The following CEP350 variants were observed in gnomAD, a reference collection of about 807,000 sequenced individuals.
The protein encoded by CEP350 is centrosome-associated protein 350.
Under a neutral mutation model 331.8 loss-of-function variants are expected in CEP350, and 126 were observed. That is an observed-to-expected ratio of 0.38 (90% CI 0.33 to 0.44). The LOEUF (loss-of-function observed/expected upper bound fraction) is 0.44. Among genes scored for constraint, CEP350 ranks in the 20% least tolerant of loss-of-function variants. The pLI is 1.00. For synonymous variants in CEP350, 1,200 were observed against 1,259.5 expected, an observed-to-expected ratio of 0.95 and a Z score of 1.00; for missense variants, 3,406 against 3,634.6, an observed-to-expected ratio of 0.94 and a Z score of 1.62.
chr1:180,036,889 G>A (rs773911558), intron 16 of CEP350, 37 bp from the exon 17 acceptor site: 55 of 1,463,082 alleles, frequency 3.8e-5, no homozygotes, highest in Non-Finnish European at 1.6e-5. Context: ...GTAATTTCAT[G>A]TTAACTTTTC....
At chr1:180,014,629 T>G (rs1406481309) in intron 10 of CEP350, 124 bp downstream of exon 10, 14 of 872,112 alleles carry the variant, frequency 1.6e-5, no homozygotes, top group Non-Finnish European at 1.9e-5. Context: ...AATCATGGCC[T>G]TCATGAAATA....
Position 180,114,724 on chromosome 1 carries a change from A to G in CEP350, c.*3563A>G, listed in dbSNP as rs916989599. ...TCAGCCAATAGTCACATCCAGTGCA[A>G]TTTTGCACCGAACACTTAAGGGTGT... On this transcript the variant is annotated 3_prime_UTR_variant, in exon 38 of 38. Coordinates refer to ENST00000367607, the MANE Select transcript of CEP350 (RefSeq NM_014810.5). The G allele has an allele frequency of 2.0e-5, 3 of 152,642 alleles. No homozygotes were observed. The highest frequency in any genetic ancestry group is 7.2e-5 in the African/African-American group (3 of 41,448). The allele number at this position is 152,642 out of a possible 1,614,324, so 9.5% of individuals were successfully genotyped here.
At chr1:179,955,281 C>G in intron 1 of CEP350, 139 bp downstream of exon 1, 1 of 883,832 alleles carries the variant, frequency 1.1e-6, no homozygotes, top group Non-Finnish European at 1.4e-6. Context: ...TGGCGTCCCC[C>G]TCGGGGAACC....
chr1:180,084,369 A>G (rs554890596), intron 31 of CEP350, 191 bp downstream of exon 31: 1 of 427,620 alleles, frequency 2.3e-6, no homozygotes, highest in African/African-American at 2.1e-5. Flanking sequence ...ATTTTATTTT[A>G]TTTATTTATT....
rs146119143 is a variant in CEP350 at position 179,987,234 on chromosome 1, T to C, written c.74-6T>C. ...TTGATAAAGTAAATATCATTTTTTTTCCCAGCAGATATAACCACATCGTGG... is the reference window on the plus strand; with the variant it reads ...TTGATAAAGTAAATATCATTTTTTTCCCCAGCAGATATAACCACATCGTGG... On this transcript the variant is annotated splice_polypyrimidine_tract_variant and splice_region_variant and intron_variant, in intron 2 of 37. Coordinates refer to ENST00000367607, the MANE Select transcript of CEP350 (RefSeq NM_014810.5). 205 of 1,496,038 alleles carry C rather than the reference T, an allele frequency of 1.4e-4. No individual in the cohort carries two copies. In the African/African-American group the frequency reaches 2.3e-3, roughly 17 times the overall value. 92.7% of individuals were successfully genotyped at this position (1,496,038 alleles called of 1,614,324 possible). A position where few individuals can be genotyped will look rare whatever the true frequency, so the allele number is the denominator to read the frequency against.
At chr1:179,977,965 T>C (rs1651997836) in intron 1 of CEP350, among the ~76,000 whole-genome samples, 1 of 150,388 alleles carries the variant, frequency 6.6e-6, no homozygotes, top group Non-Finnish European at 1.5e-5. Flanking sequence ...ATATATTTTA[T>C]AAAATAAAAT....
chr1:180,072,784 G>A (rs1218098948), intron 27 of CEP350, among the ~76,000 whole-genome samples: 2 of 152,074 alleles, frequency 1.3e-5, no homozygotes, highest in African/African-American at 4.8e-5. Context: ...CCAAGTGAAT[G>A]GCTGGATTTA....
At chr1:180,089,030 T>C (rs1025501691) in intron 32 of CEP350, among the ~76,000 whole-genome samples, 3 of 152,188 alleles carry the variant, frequency 2.0e-5, no homozygotes, top group Non-Finnish European at 2.9e-5. Flanking sequence ...TTTTCCATTA[T>C]ATTATGAAGT....
chr1:180,078,765 GTTAACTGTC>G, intron 29 of CEP350, 91 bp downstream of exon 29: 1 of 1,015,722 alleles, frequency 9.8e-7, no homozygotes, highest in Admixed American at 2.6e-5. Flanking sequence ...TAATGACAGT[GTTAACTGTC>G]ACCATACTTG....
intron 1 of CEP350, among the ~76,000 whole-genome samples, chr1:179,970,688 A>C (rs1052940479): frequency 6.6e-6 from 1 of 152,194 alleles, no homozygotes; most frequent in African/African-American, 2.4e-5. Flanking sequence ...GAGGCCAATA[A>C]ATATTGAGCA....
intron 9 of CEP350, among the ~76,000 whole-genome samples, chr1:180,012,912 C>CT (rs1654751699): frequency 6.6e-6 from 1 of 152,026 alleles, no homozygotes; most frequent in Admixed American, 6.6e-5. Flanking sequence ...TTTTTCCATC[C>CT]TTCACTGGAG....
At chr1:180,095,463 A>T (rs557722635) in intron 34 of CEP350, 60 bp from the exon 35 acceptor site, 859 of 1,427,374 alleles carry the variant, frequency 6.0e-4, no homozygotes, top group Non-Finnish European at 6.9e-4. Flanking sequence ...GTCTTTTTTT[A>T]AAAAAAAATG....
At chr1:180,076,834 A>G (rs897435368) in intron 28 of CEP350, among the ~76,000 whole-genome samples, 21 of 152,212 alleles carry the variant, frequency 1.4e-4, no homozygotes, top group African/African-American at 5.1e-4. Flanking sequence ...GATAAAATAA[A>G]TAAACCTCAG....
intron 14 of CEP350, among the ~76,000 whole-genome samples, 172 bp from the exon 15 acceptor site, chr1:180,031,148 G>A (rs1006111724): frequency 6.6e-6 from 1 of 152,012 alleles, no homozygotes; most frequent in Non-Finnish European, 1.5e-5. Context: ...AGAGACAGAA[G>A]GATGAACTGC....
At position 179,992,351 on chromosome 1, in the gene CEP350, A is replaced by G. The variant is rs552889652; in HGVS notation, c.395+130A>G. On this transcript the variant is annotated intron_variant, in intron 5 of 37. Coordinates refer to ENST00000367607, the MANE Select transcript of CEP350 (RefSeq NM_014810.5). ...AATAGTATAATACTCTAATATTACT[A>G]CCTTTTTCATTCTCCACAAAAGATG... 4 of 666,452 alleles carry G rather than the reference A, an allele frequency of 6.0e-6. No individual in the cohort carries two copies. In the Admixed American group the frequency reaches 1.3e-4, roughly 22 times the overall value. The allele number at this position is 666,452 out of a possible 1,614,324, so 41.3% of individuals were successfully genotyped here.
At chr1:179,967,167 A>G (rs1651080622) in intron 1 of CEP350, among the ~76,000 whole-genome samples, 1 of 152,186 alleles carries the variant, frequency 6.6e-6, no homozygotes, top group Admixed American at 6.5e-5. Flanking sequence ...ATTAAATGTT[A>G]TAGAGCAATA....
intron 1 of CEP350, among the ~76,000 whole-genome samples, chr1:179,961,333 A>G (rs1472352004): frequency 6.6e-6 from 1 of 152,130 alleles, no homozygotes; most frequent in Admixed American, 6.5e-5. Flanking sequence ...CTGTAATCCC[A>G]GTTACTCAGT....
chr1:180,079,954 G>A (rs1026281197), intron 29 of CEP350, among the ~76,000 whole-genome samples: 2 of 152,016 alleles, frequency 1.3e-5, no homozygotes, highest in African/African-American at 2.4e-5. Context: ...TTTAACCCTC[G>A]CAAGAATCCT....
intron 1 of CEP350, among the ~76,000 whole-genome samples, chr1:179,957,002 T>C (rs1650219948): frequency 6.6e-6 from 1 of 152,072 alleles, no homozygotes; most frequent in African/African-American, 2.4e-5. Flanking sequence ...TGATCGTCAG[T>C]TCTTTAAAAA....
Sources: gnomAD v4.1 joint callset for allele counts (sites outside exome capture counted in the v4.1 genomes callset) on GRCh38, gnomAD v4.1.1 for gene constraint, MANE v1.5 for transcripts, NCBI Gene and HGNC (gene_info 2026-07-23, HGNC 2026-07-21) for gene names.